MSRB3: variants seen among roughly 807,000 people sequenced by gnomAD.
MSRB3 encodes methionine sulfoxide reductase B3, also known as methionine-R-sulfoxide reductase B3.
A neutral mutation model predicts 21.0 loss-of-function variants in MSRB3; 13 were observed. The ratio of observed to expected loss-of-function variants is 0.62; its 90% CI spans 0.40 to 0.98. The LOEUF (loss-of-function observed/expected upper bound fraction) is 0.98, where lower values mean the gene tolerates loss of function less well. Ranked by LOEUF, MSRB3 falls within the 50% of genes least tolerant of loss-of-function variation. MSRB3 has a pLI of 0.00. For missense variants in MSRB3, 199 were observed against 230.3 expected (o/e 0.86, Z 0.88); for synonymous variants, 87 against 88.6 (o/e 0.98, Z 0.10).
intron 1 of MSRB3, among the ~76,000 whole-genome samples, chr12:65,294,363 A>T (rs1361538976): frequency 6.6e-6 from 1 of 152,198 alleles, no homozygotes; most frequent in African/African-American, 2.4e-5. Flanking sequence ...TGTGCATGAG[A>T]TGAGTTAGGA....
At chr12:65,349,720 T>A (rs1005010176) in intron 4 of MSRB3, among the ~76,000 whole-genome samples, 16 of 150,474 alleles carry the variant, frequency 1.1e-4, no homozygotes, top group Non-Finnish European at 2.4e-4. Flanking sequence ...TTGAGAAGTG[T>A]CTGTTCATGT....
chr12:65,318,000 G>A (rs1253607912), intron 2 of MSRB3, among the ~76,000 whole-genome samples: 1 of 152,116 alleles, frequency 6.6e-6, no homozygotes, highest in Non-Finnish European at 1.5e-5. Flanking sequence ...ATATGTGTGA[G>A]CACTGTCTCT....
intron 5 of MSRB3, among the ~76,000 whole-genome samples, chr12:65,448,578 T>A (rs772116258): frequency 5.3e-5 from 8 of 152,204 alleles, no homozygotes; most frequent in Non-Finnish European, 7.3e-5. Flanking sequence ...GAAATCTTGG[T>A]GGAAATGTTC....
chr12:65,332,471 C>T (rs1053006701), intron 4 of MSRB3, among the ~76,000 whole-genome samples: 3 of 152,050 alleles, frequency 2.0e-5, no homozygotes, highest in African/African-American at 7.2e-5. Context: ...TATCTAATCA[C>T]ACCGGGGCCT....
At chr12:65,407,827 G>A (rs780140692) in intron 5 of MSRB3, among the ~76,000 whole-genome samples, 113 of 152,080 alleles carry the variant, frequency 7.4e-4, no homozygotes, top group Non-Finnish European at 8.7e-4. Context: ...GTTGTGTCTA[G>A]TCTGTTGATG....
At chr12:65,409,202 A>T (rs1303111623) in intron 5 of MSRB3, among the ~76,000 whole-genome samples, 2 of 151,874 alleles carry the variant, frequency 1.3e-5, no homozygotes, top group Admixed American at 1.3e-4. Flanking sequence ...ACACACACAC[A>T]CATACACATA....
intron 4 of MSRB3, among the ~76,000 whole-genome samples, chr12:65,353,789 G>C (rs1440428203): frequency 1.3e-5 from 2 of 152,104 alleles, no homozygotes; most frequent in African/African-American, 2.4e-5. Context: ...TGGTGATTTT[G>C]CTCGTTAGTT....
At chr12:65,375,606 T>TA (rs937056572) in intron 5 of MSRB3, among the ~76,000 whole-genome samples, 1 of 151,992 alleles carries the variant, frequency 6.6e-6, no homozygotes, top group Non-Finnish European at 1.5e-5. Flanking sequence ...CGGGCCAATT[T>TA]AAAAAACATT....
At chr12:65,448,287 C>T (rs921913180) in intron 5 of MSRB3, among the ~76,000 whole-genome samples, 1 of 152,088 alleles carries the variant, frequency 6.6e-6, no homozygotes, top group Non-Finnish European at 1.5e-5. Context: ...TTTTGGAACA[C>T]CTTTTATGTA....
chr12:65,342,899 A>T (rs1876236419), intron 4 of MSRB3, among the ~76,000 whole-genome samples: 1 of 152,118 alleles, frequency 6.6e-6, no homozygotes, highest in African/African-American at 2.4e-5. Flanking sequence ...ATATATGCAT[A>T]GGAAATAGTT....
intron 4 of MSRB3, among the ~76,000 whole-genome samples, chr12:65,337,005 C>T (rs1309820116): frequency 6.6e-6 from 1 of 151,958 alleles, no homozygotes; most frequent in Non-Finnish European, 1.5e-5. Flanking sequence ...GCACTTTGGG[C>T]GGCTGAGGCG....
intron 5 of MSRB3, among the ~76,000 whole-genome samples, chr12:65,414,370 A>G (rs1880867120): frequency 6.6e-6 from 1 of 152,178 alleles, no homozygotes; most frequent in Non-Finnish European, 1.5e-5. Flanking sequence ...TCATAATCAC[A>G]TTTCAGTCAA....
At chr12:65,422,428 A>ATATATATTTATT (rs34413074) in intron 5 of MSRB3, among the ~76,000 whole-genome samples, 23 of 73,364 alleles carry the variant, frequency 3.1e-4, no homozygotes, top group Admixed American at 4.8e-4. Context: ...ATATATATAT[A>ATATATATTTATT]TATTTATTTA....
At position 65,461,284 on chromosome 12, in the gene MSRB3, A is replaced by G. The variant is rs545070824; in HGVS notation, c.391-1871A>G. On this transcript the variant is annotated intron_variant, in intron 6 of 6. Coordinates refer to ENST00000308259, the MANE Select transcript of MSRB3 (RefSeq NM_001031679.3). The stretch of plus-strand genomic sequence containing the variant: ...CCGTTGGGCAAGCATATGTATTTTT[A>G]CTGGTTCATCTTAGCTGTGGATGCC... Among the ~76,000 whole-genome samples the G allele has an allele frequency of 5.3e-5, 8 of 152,296 alleles. No homozygotes were observed. In the South Asian group the frequency reaches 1.7e-3, roughly 32 times the overall value.
intron 5 of MSRB3, among the ~76,000 whole-genome samples, chr12:65,452,224 T>C (rs1203551638): frequency 6.6e-6 from 1 of 152,142 alleles, no homozygotes; most frequent in Non-Finnish European, 1.5e-5. Flanking sequence ...TTGCCTTAAA[T>C]TGCAATTAAA....
At chr12:65,342,032 CTACAA>C (rs1238622222) in intron 4 of MSRB3, among the ~76,000 whole-genome samples, 1 of 151,796 alleles carries the variant, frequency 6.6e-6, no homozygotes, top group Admixed American at 6.6e-5. Context: ...CTCAACACTA[CTACAA>C]TACAAGTTCT....
chr12:65,278,797 C>A lies in MSRB3; in HGVS notation c.-120C>A. 6.4e-7 allele frequency: 1 copy of A among 1,571,724 alleles called. No individual in the cohort carries two copies. Among genetic ancestry groups the A allele is most frequent in the Non-Finnish European group, 8.6e-7 (1 of 1,159,002 alleles). ...AGCCCGCGGCGGACCCTCCCGCGCC[C>A]CCTCTCGCTCTGCCTCTCCCTCTGC... On this transcript the variant is annotated 5_prime_UTR_variant, in exon 1 of 7. Transcript: ENST00000308259.
intron 5 of MSRB3, among the ~76,000 whole-genome samples, chr12:65,451,373 T>G (rs373685871): frequency 1.5e-4 from 23 of 152,318 alleles, no homozygotes; most frequent in Middle Eastern, 3.4e-3. Context: ...TTTTGAGACC[T>G]GCACTCTGTT....
intron 1 of MSRB3, chr12:65,283,587 A>G (rs577781719): frequency 1.3e-5 from 2 of 152,334 alleles, no homozygotes; most frequent in South Asian, 4.1e-4. Context: ...ACCTGCCACC[A>G]TGCCCAGCTA....
Sources: allele counts gnomAD v4.1 joint callset (sites outside exome capture counted in the v4.1 genomes callset), GRCh38; gene constraint gnomAD v4.1.1; transcripts MANE v1.5; gene names NCBI Gene and HGNC (gene_info 2026-07-23, HGNC 2026-07-21).